KIF13A: variants seen among roughly 807,000 people sequenced by gnomAD.
KIF13A encodes the protein kinesin family member 13A, also known as kinesin-like protein KIF13A.
Under a neutral mutation model 212.2 loss-of-function variants are expected in KIF13A, and 79 were observed. The observed-to-expected ratio is 0.37, with a 90% confidence interval of 0.31 to 0.45. The LOEUF is 0.45. KIF13A is among the 20% of genes least tolerant of loss of function. The pLI is 1.00. For missense variants in KIF13A, 1,901 were observed against 2,209.0 expected (o/e 0.86, Z 2.79); for synonymous variants, 789 against 808.6 (o/e 0.98, Z 0.41).
In KIF13A at chr6:17,789,815, G is replaced by A; in HGVS notation, c.3261+57C>T. The A allele has an allele frequency of 2.0e-6, 3 of 1,488,606 alleles. No individual in the cohort carries two copies. The allele number at this position is 1,488,606 out of a possible 1,614,324, so 92.2% of individuals were successfully genotyped here. On this transcript the variant is annotated intron_variant, in intron 26 of 38. Transcript: ENST00000259711. The surrounding 1 kb of genome is among the most constrained non-coding windows in gnomAD (Gnocchi z 4.8). ...CCTCCCTGGCCTCTGCTTTGCGAAT[G>A]CTGGCAATTAGCAGTAGCTGTGCCC... is the stretch of plus-strand genomic sequence containing the variant.
rs759518782 is a variant in KIF13A at position 17,828,241 on chromosome 6, T to G, written c.1531A>C (p.Arg511=). The change falls in exon 14 of 39, where the codon AGG becomes CGG. Residue 511 remains arginine (R), a splice_region_variant and synonymous_variant. Coordinates refer to ENST00000259711, the MANE Select transcript of KIF13A (RefSeq NM_022113.6). This position sits in a 1 kb window ranked among gnomAD's most constrained non-coding sequence, Gnocchi z 4.3. ...GAAGTCACCATTTACTTTTCTTACC[T>G]TGCATTTTCTTTTGGAGTGAGAGTG... is the stretch of plus-strand genomic sequence containing the variant. ...DVTLTPKENA[R]SCVNGTLVCS... is the part of the protein sequence containing the mutation. 1.2e-6 allele frequency: 2 copies of G among 1,609,608 alleles called. No individual in the cohort carries two copies. The highest frequency in any genetic ancestry group is 2.2e-5 in the South Asian group (2 of 90,102).
intron 18 of KIF13A, among the ~76,000 whole-genome samples, chr6:17,806,348 T>C (rs9477531): frequency 0.028 from 4,282 of 152,320 alleles, 213 homozygotes; most frequent in African/African-American, 0.098. Flanking sequence ...TTTGCTATTA[T>C]AAAGTCCACT....
intron 38 of KIF13A, among the ~76,000 whole-genome samples, chr6:17,766,219 GATTTATTTATTT>G (rs57491415): frequency 8.4e-4 from 121 of 144,718 alleles, no homozygotes; most frequent in African/African-American, 2.5e-3. Flanking sequence ...TTATTTTTAA[GATTTATTTATTT>G]ATTTATTTAT....
downstream of KIF13A, chr6:17,759,824 A>C (rs1581828603): frequency 6.6e-6 from 1 of 152,400 alleles, no homozygotes; most frequent in South Asian, 2.1e-4. Context: ...AATCCAAAAC[A>C]AAACCACACA....
rs1331845632 is a variant in KIF13A at position 17,914,777 on chromosome 6, C to T, written c.147-16597G>A. Among the ~76,000 whole-genome samples, 2 of 152,154 alleles carry T rather than the reference C, an allele frequency of 1.3e-5. No homozygotes were observed. The highest frequency in any genetic ancestry group is 3.9e-4 in the East Asian group (2 of 5,192). On this transcript the variant is annotated intron_variant, in intron 2 of 38. Transcript: ENST00000259711. This position sits in a 1 kb window ranked among gnomAD's most constrained non-coding sequence, Gnocchi z 5.9. Reference sequence around the variant, plus strand: ...CAGTTTGGGCGAGCCTAGTAAGAAACTCACCCTGCGTTAACCAAAACAAAA... The same window carrying T: ...CAGTTTGGGCGAGCCTAGTAAGAAATTCACCCTGCGTTAACCAAAACAAAA...
chr6:17,882,067 T>C (rs763984731), intron 3 of KIF13A: 26 of 456,826 alleles, frequency 5.7e-5, no homozygotes, highest in Non-Finnish European at 5.3e-5. Flanking sequence ...TTTTAAGATA[T>C]GTAATCTGTA....
At chr6:17,848,758 T>C (rs1489593578) in intron 9 of KIF13A, among the ~76,000 whole-genome samples, 8 of 150,732 alleles carry the variant, frequency 5.3e-5, no homozygotes, top group African/African-American at 2.0e-4. Flanking sequence ...AGAGAGGGGG[T>C]AGAGATGGGT....
chr6:17,790,003 T>G, intron 25 of KIF13A, 93 bp from the exon 26 acceptor site: 1 of 960,128 alleles, frequency 1.0e-6, no homozygotes, highest in Non-Finnish European at 1.6e-6. Flanking sequence ...CACATTAAAA[T>G]GGACAGCTTA....
intron 3 of KIF13A, among the ~76,000 whole-genome samples, chr6:17,880,379 C>T (rs1340468595): frequency 6.6e-6 from 1 of 152,060 alleles, no homozygotes; most frequent in African/African-American, 2.4e-5. Context: ...GTAATCCCAG[C>T]ACTTTGGGAG....
chr6:17,829,940 C>T lies in KIF13A; in HGVS notation c.1401+1161G>A, dbSNP rs1045846137. On this transcript the variant is annotated intron_variant, in intron 13 of 38. Coordinates refer to ENST00000259711, the MANE Select transcript of KIF13A (RefSeq NM_022113.6). The surrounding 1 kb of genome is among the most constrained non-coding windows in gnomAD (Gnocchi z 5.4). Reference sequence around the variant, plus strand: ...ACTGTTCTCAAGCAGGCAATACCTTCGCATTTAGAGATTCAGGTGTGTGGA... The same window carrying T: ...ACTGTTCTCAAGCAGGCAATACCTTTGCATTTAGAGATTCAGGTGTGTGGA... Among the ~76,000 whole-genome samples, 2 of 152,086 alleles carry T rather than the reference C, an allele frequency of 1.3e-5. No homozygotes were observed. The highest frequency in any genetic ancestry group is 2.4e-5 in the African/African-American group (1 of 41,414).
At position 17,875,003 on chromosome 6, in the gene KIF13A, GCACA is replaced by G. The variant is rs905903459; in HGVS notation, c.160-1570_160-1567del. ...CACACACACACACACGCACACGCACGCACACACACACACACACACACAGCATGGT... is the reference window on the plus strand; with the variant it reads ...CACACACACACACACGCACACGCACGCACACACACACACACACAGCATGGT... On this transcript the variant is annotated intron_variant, in intron 3 of 38. Coordinates refer to ENST00000259711, the MANE Select transcript of KIF13A (RefSeq NM_022113.6). 6.1e-4 allele frequency among the ~76,000 whole-genome samples: 81 copies of G among 133,384 alleles called. 1 individual carries two copies. The highest frequency in any genetic ancestry group is 3.9e-3 in the Middle Eastern group (1 of 256). 87.5% of individuals were successfully genotyped at this position (133,384 alleles called of 152,430 possible). A position where few individuals can be genotyped will look rare whatever the true frequency, so the allele number is the denominator to read the frequency against.
intron 2 of KIF13A, among the ~76,000 whole-genome samples, chr6:17,946,091 GA>G (rs1777373417): frequency 6.6e-6 from 1 of 152,106 alleles, no homozygotes; most frequent in African/African-American, 2.4e-5. Flanking sequence ...GCTTAGAGAA[GA>G]ACTTTTAAAA....
rs779073192 is a variant in KIF13A, at chr6:17,796,675, T to C, written c.2936A>G (p.His979Arg). ...CTCACAGCCAAGTACAAACCTGTCA[T>C]GCAGTGTTCTTGTCTTAGCATGAAG... ...DSLHAKTRTL[H>R]DRWNEVTRRI... The change falls in exon 23 of 39, where the codon CAT (histidine) becomes CGT (arginine). Residue 979 changes from histidine (H) to arginine (R), a missense_variant. Around this residue, in one of 5 missense-constraint regions of KIF13A, gnomAD observed 534 missense variants for 536.9 expected, o/e 0.99. Coordinates refer to ENST00000259711, the MANE Select transcript of KIF13A (RefSeq NM_022113.6). The C allele has an allele frequency of 1.3e-6, 2 of 1,538,270 alleles. No homozygotes were observed. The highest frequency in any genetic ancestry group is 1.8e-6 in the Non-Finnish European group (2 of 1,138,680).
chr6:17,767,175 A>G (rs1298893771), intron 38 of KIF13A, among the ~76,000 whole-genome samples: 3 of 152,154 alleles, frequency 2.0e-5, no homozygotes, highest in Non-Finnish European at 4.4e-5. Context: ...AGGAACAAAG[A>G]TTGAACAGAA....
At chr6:17,940,019 G>A (rs554758095) in intron 2 of KIF13A, among the ~76,000 whole-genome samples, 36 of 137,906 alleles carry the variant, frequency 2.6e-4, no homozygotes, top group Admixed American at 2.4e-3. Context: ...TCCAGCCTGG[G>A]AGACAGAGCG....
At chr6:17,949,077 T>C (rs969116963) in intron 2 of KIF13A, among the ~76,000 whole-genome samples, 1 of 152,100 alleles carries the variant, frequency 6.6e-6, no homozygotes, top group Non-Finnish European at 1.5e-5. Flanking sequence ...TAAGATCAGA[T>C]GAGAGGGGAA....
chr6:17,897,083 A>C lies in KIF13A; in HGVS notation c.159+1085T>G, dbSNP rs1169126413. Reference sequence around the variant, plus strand: ...TATTTCCTCTTTCTTAACAGATCTTATATCATTTGTTCAATGCATGCCTTC... The same window carrying C: ...TATTTCCTCTTTCTTAACAGATCTTCTATCATTTGTTCAATGCATGCCTTC... On this transcript the variant is annotated intron_variant, in intron 3 of 38. Transcript: ENST00000259711. The surrounding 1 kb of genome is among the most constrained non-coding windows in gnomAD (Gnocchi z 4.8). Among the ~76,000 whole-genome samples the C allele has an allele frequency of 6.6e-6, 1 of 152,196 alleles. No individual in the cohort carries two copies. The highest frequency in any genetic ancestry group is 6.5e-5 in the Admixed American group (1 of 15,276).
Position 17,779,579 on chromosome 6 carries a change from G to A in KIF13A, c.3939+13C>T. On this transcript the variant is annotated intron_variant, in intron 32 of 38. Coordinates refer to ENST00000259711, the MANE Select transcript of KIF13A (RefSeq NM_022113.6). Reference sequence around the variant, plus strand: ...GAGCCACTGCGCCCGGCCTAAAGTAGCATATATTTTACCTTTGGTATATTG... The same window carrying A: ...GAGCCACTGCGCCCGGCCTAAAGTAACATATATTTTACCTTTGGTATATTG... The A allele has an allele frequency of 8.5e-7, 1 of 1,177,864 alleles. No homozygotes were observed. 73.0% of individuals were successfully genotyped at this position (1,177,864 alleles called of 1,614,324 possible). A position where few individuals can be genotyped will look rare whatever the true frequency, so the allele number is the denominator to read the frequency against.
intron 2 of KIF13A, chr6:17,950,626 A>T (rs1246286005): frequency 2.0e-6 from 2 of 985,148 alleles, no homozygotes; most frequent in Non-Finnish European, 2.4e-6. Flanking sequence ...TAACAAAATT[A>T]AAAAGCAATA....
Sources: gnomAD v4.1 joint callset for allele counts (sites outside exome capture counted in the v4.1 genomes callset) on GRCh38, gnomAD v4.1.1 for gene constraint, gnomAD v4.1.1 regional missense constraint, Gnocchi (gnomAD v3.1) non-coding constraint, MANE v1.5 for transcripts, NCBI Gene and HGNC (gene_info 2026-07-23, HGNC 2026-07-21) for gene names.